PCDH7: variants seen among roughly 807,000 people sequenced by gnomAD.
The protein encoded by PCDH7 is protocadherin 7.
A neutral mutation model predicts 58.9 loss-of-function variants in PCDH7; 17 were observed. The ratio of observed to expected loss-of-function variants is 0.29; its 90% CI spans 0.20 to 0.43. PCDH7 has a LOEUF of 0.43. PCDH7 is among the 20% of genes least tolerant of loss of function. The pLI is 1.00. For missense variants in PCDH7, 1,274 were observed against 1,441.0 expected, an observed-to-expected ratio of 0.88 and a Z score of 1.88; for synonymous variants, 664 against 616.4, an observed-to-expected ratio of 1.08 and a Z score of -1.14.
chr4:31,035,532 G>A (rs1755336806), intron 3 of PCDH7, among the ~76,000 whole-genome samples: 1 of 152,172 alleles, frequency 6.6e-6, no homozygotes, highest in Non-Finnish European at 1.5e-5. Context: ...GGGATCACAG[G>A]CTTGAGCCAC....
At chr4:31,140,790 A>T (rs1318195862) in intron 3 of PCDH7, among the ~76,000 whole-genome samples, 15 of 152,146 alleles carry the variant, frequency 9.9e-5, no homozygotes, top group Admixed American at 9.8e-4. Context: ...AGGGTAAAAA[A>T]ATGAGTGGGA....
At chr4:30,784,499 G>A (rs927830262) in intron 1 of PCDH7, among the ~76,000 whole-genome samples, 3 of 152,046 alleles carry the variant, frequency 2.0e-5, no homozygotes, top group East Asian at 1.9e-4. Flanking sequence ...ATGCTGCATA[G>A]CAATATGATT....
rs758577267 is a variant in PCDH7 at position 30,721,845 on chromosome 4, C to T, written c.423C>T (p.Pro141=). 19 of 1,608,770 alleles carry T rather than the reference C, an allele frequency of 1.2e-5. No individual in the cohort carries two copies. The South Asian group carries it at 2.1e-4, about 18-fold the overall frequency. ...TGCTTGACATCAACGACAACACGCC[C>T]ACCTTCCCGTCGCCCGTGCTCACGC... Residue 141 remains proline, a synonymous_variant, in exon 1 of 2, where the codon CCC becomes CCT. Coordinates refer to ENST00000361762, the Ensembl canonical transcript of PCDH7. This position sits in a 1 kb window ranked among gnomAD's most constrained non-coding sequence, Gnocchi z 6.7.
At chr4:31,048,469 G>A (rs1756470083) in intron 3 of PCDH7, among the ~76,000 whole-genome samples, 2 of 152,056 alleles carry the variant, frequency 1.3e-5, no homozygotes, top group South Asian at 4.1e-4. Flanking sequence ...CAGGCTTGAT[G>A]CCAGTTAGAA....
chr4:31,001,666 A>G (rs1752375336), intron 3 of PCDH7, among the ~76,000 whole-genome samples: 1 of 152,216 alleles, frequency 6.6e-6, no homozygotes, highest in Admixed American at 6.5e-5. Flanking sequence ...TTAAAAAAGC[A>G]CATCTACTAA....
At chr4:31,094,618 G>A (rs1189982567) in intron 3 of PCDH7, among the ~76,000 whole-genome samples, 1 of 152,126 alleles carries the variant, frequency 6.6e-6, no homozygotes, top group Non-Finnish European at 1.5e-5. Context: ...AGTGGGACTG[G>A]GAGCAGTTTC....
At chr4:30,827,582 A>T (rs1455980240) in intron 1 of PCDH7, among the ~76,000 whole-genome samples, 2 of 152,194 alleles carry the variant, frequency 1.3e-5, no homozygotes, top group East Asian at 3.9e-4. Flanking sequence ...TATTTGTGTC[A>T]TTAAGCATGA....
At chr4:31,044,589 T>C (rs1277741573) in intron 3 of PCDH7, among the ~76,000 whole-genome samples, 3 of 152,052 alleles carry the variant, frequency 2.0e-5, no homozygotes, top group Non-Finnish European at 4.4e-5. Flanking sequence ...ATTTTTAAAA[T>C]ATAATAATGA....
chr4:31,007,089 A>G (rs988338852), intron 3 of PCDH7, among the ~76,000 whole-genome samples: 1 of 152,172 alleles, frequency 6.6e-6, no homozygotes, highest in East Asian at 1.9e-4. Flanking sequence ...AGGCACTGGT[A>G]TAACTTGGTG....
chr4:30,881,147 A>C (rs1736918120), intron 1 of PCDH7, among the ~76,000 whole-genome samples: 1 of 152,120 alleles, frequency 6.6e-6, no homozygotes, highest in East Asian at 1.9e-4. Flanking sequence ...TGGCAAGGTA[A>C]ATGGGGAAAC....
At chr4:31,054,250 GC>G (rs1756972795) in intron 3 of PCDH7, among the ~76,000 whole-genome samples, 1 of 152,160 alleles carries the variant, frequency 6.6e-6, no homozygotes, top group African/African-American at 2.4e-5. Context: ...ACTGGCTTAA[GC>G]CACCACGTCC....
intron 2 of PCDH7, among the ~76,000 whole-genome samples, chr4:30,933,416 C>G (rs531804279): frequency 6.6e-6 from 1 of 152,236 alleles, no homozygotes; most frequent in East Asian, 1.9e-4. Context: ...TGCTTTTGCT[C>G]CCTAGATTCA....
At chr4:30,789,646 G>A (rs1044494963) in intron 1 of PCDH7, among the ~76,000 whole-genome samples, 3 of 151,844 alleles carry the variant, frequency 2.0e-5, no homozygotes, top group African/African-American at 7.3e-5. Context: ...GCAAAATAGT[G>A]TCACTTTCAG....
chr4:30,964,281 T>A (rs5029750), intron 3 of PCDH7, among the ~76,000 whole-genome samples: 1 of 149,466 alleles, frequency 6.7e-6, no homozygotes, highest in South Asian at 2.1e-4. Flanking sequence ...TGGCTCTGTC[T>A]CCCAGGCTGG....
chr4:30,851,034 A>G (rs930836464), intron 1 of PCDH7, among the ~76,000 whole-genome samples: 3 of 152,008 alleles, frequency 2.0e-5, no homozygotes, highest in Non-Finnish European at 4.4e-5. Flanking sequence ...AATTCTTTGT[A>G]AAATTTTATA....
At chr4:30,962,896 C>T (rs1311394046) in intron 3 of PCDH7, among the ~76,000 whole-genome samples, 1 of 151,658 alleles carries the variant, frequency 6.6e-6, no homozygotes, top group African/African-American at 2.4e-5. Flanking sequence ...TGATAACTGT[C>T]CCTGTTGTTC....
At chr4:30,941,039 A>G (rs770185808) in intron 2 of PCDH7, among the ~76,000 whole-genome samples, 3 of 152,000 alleles carry the variant, frequency 2.0e-5, no homozygotes, top group Non-Finnish European at 2.9e-5. Context: ...CTCATGTATA[A>G]ACTGAATTCC....
intron 3 of PCDH7, among the ~76,000 whole-genome samples, chr4:31,001,742 G>T (rs1009648002): frequency 3.9e-5 from 6 of 152,070 alleles, no homozygotes; most frequent in Non-Finnish European, 5.9e-5. Context: ...AAGCTGTTTG[G>T]AACAGTTCCT....
downstream of PCDH7, among the ~76,000 whole-genome samples, chr4:30,737,034 C>G (rs1347791562): frequency 6.6e-6 from 1 of 152,172 alleles, no homozygotes; most frequent in East Asian, 1.9e-4. Flanking sequence ...TGGTTTACTC[C>G]TCAAAGGTCT....
Sources: gnomAD v4.1 joint callset for allele counts (sites outside exome capture counted in the v4.1 genomes callset) on GRCh38, gnomAD v4.1.1 for gene constraint, Gnocchi (gnomAD v3.1) non-coding constraint, MANE v1.5 for transcripts, NCBI Gene and HGNC (gene_info 2026-07-23, HGNC 2026-07-21) for gene names.